The following VAC14 variants were observed in gnomAD, a reference collection of about 807,000 sequenced individuals.
VAC14 encodes the protein protein VAC14 homolog.
VAC14 carries 47 observed loss-of-function variants against 85.3 expected under a neutral mutation model. The ratio of observed to expected loss-of-function variants is 0.55; its 90% confidence interval spans 0.44 to 0.70. The LOEUF is 0.70. Ranked by LOEUF, VAC14 falls within the 30% of genes least tolerant of loss-of-function variation. The probability of loss-of-function intolerance (pLI) is 0.00; values close to 1 mark genes in which losing one functional copy is unlikely to be tolerated. For missense variants in VAC14, 861 were observed against 1,004.3 expected (o/e 0.86, Z 1.93); for synonymous variants, 447 against 430.5 (o/e 1.04, Z -0.47).
intron 12 of VAC14, among the ~76,000 whole-genome samples, chr16:70,761,619 T>C (rs2032392728): frequency 6.6e-6 from 1 of 152,144 alleles, no homozygotes; most frequent in African/African-American, 2.4e-5. Context: ...GGCAGACTCC[T>C]GCCCAGATGA....
chr16:70,781,171 ACCTCTCTTGCTC>A, intron 8 of VAC14, among the ~76,000 whole-genome samples: 2 of 151,670 alleles, frequency 1.3e-5, no homozygotes, highest in Middle Eastern at 3.4e-3. Context: ...AAAGCCTCCC[ACCTCTCTTGCTC>A]CCTCTCTTGC....
At chr16:70,761,864 G>A (rs996088661) in intron 12 of VAC14, among the ~76,000 whole-genome samples, 1 of 152,180 alleles carries the variant, frequency 6.6e-6, no homozygotes, top group African/African-American at 2.4e-5. Flanking sequence ...GCAGGGGCCC[G>A]GCCCAGTGCT....
intron 13 of VAC14, among the ~76,000 whole-genome samples, chr16:70,741,308 G>A (rs2030277893): frequency 6.6e-6 from 1 of 152,268 alleles, no homozygotes; most frequent in Non-Finnish European, 1.5e-5. Flanking sequence ...GGATGAATGT[G>A]CACTTCCTGC....
chr16:70,698,538 C>G, intron 15 of VAC14, 99 bp downstream of exon 15: 1 of 1,467,412 alleles, frequency 6.8e-7, no homozygotes, highest in Non-Finnish European at 9.3e-7. Context: ...CGTCTTCTCC[C>G]TGAGAGCCTC....
rs373984507 is a variant in VAC14, at chr16:70,745,520, CGCGTGT to C, written c.1372-947_1372-942del. ...GTGTGTGTGTGTGTGTGTGTGTGTG[CGCGTGT>C]GCGCGCGTGTGCCTGTGTGCATGCA... On this transcript the variant is annotated intron_variant, in intron 12 of 18. Transcript: ENST00000261776. Among the ~76,000 whole-genome samples, 450 of 93,212 alleles carry C rather than the reference CGCGTGT, an allele frequency of 4.8e-3. 1 individual carries two copies. The highest frequency in any genetic ancestry group is 0.016 in the African/African-American group (383 of 24,322). The allele number at this position is 93,212 out of a possible 152,430, so 61.2% of individuals were successfully genotyped here.
At chr16:70,780,586 C>T (rs1490002806) in intron 9 of VAC14, among the ~76,000 whole-genome samples, 2 of 152,226 alleles carry the variant, frequency 1.3e-5, no homozygotes, top group East Asian at 1.9e-4. Flanking sequence ...GAGTGTGTGG[C>T]CATGGTACTC....
intron 12 of VAC14, among the ~76,000 whole-genome samples, chr16:70,752,035 G>T (rs1286401137): frequency 6.6e-6 from 1 of 152,208 alleles, no homozygotes; most frequent in Non-Finnish European, 1.5e-5. Flanking sequence ...TGAGAAAACT[G>T]CCTTGATAGA....
chr16:70,708,205 C>T lies in VAC14; in HGVS notation c.1662-9394G>A, dbSNP rs1193622762. Among the ~76,000 whole-genome samples the T allele has an allele frequency of 3.9e-5, 6 of 152,368 alleles. No individual in the cohort carries two copies. In the South Asian group the frequency reaches 1.2e-3, roughly 32 times the overall value. On this transcript the variant is annotated intron_variant, in intron 14 of 18. Transcript: ENST00000261776. ...CAGCCCTCCCCTGTCTCCTGCCTCA[C>T]CTGCTGCTAGTTCCCACCAATTTCC...
chr16:70,692,903 T>C lies in VAC14; in HGVS notation c.2104A>G (p.Met702Val), dbSNP rs769800350. 6.2e-7 allele frequency: 1 copy of C among 1,609,882 alleles called. No homozygotes were observed. The highest frequency in any genetic ancestry group is 8.5e-7 in the Non-Finnish European group (1 of 1,178,986). ...AAGGCGCTGCTCTGCGGCAGGAGCA[T>C]GAGCAGGCCGTAGAGGGCCTTGATC... ...YLIKALYGLL[M>V]LLPQSSAFQL... The change falls in exon 18 of 19, where the codon ATG (methionine) becomes GTG (valine). Residue 702 changes from methionine to valine, a missense_variant. This residue lies in a region of VAC14 where 163 missense variants were observed against 162.2 expected (regional missense o/e 1.00). Coordinates refer to ENST00000261776, the MANE Select transcript of VAC14 (RefSeq NM_018052.5).
At chr16:70,785,539 G>C (rs1034023683) in intron 3 of VAC14, among the ~76,000 whole-genome samples, 163 bp downstream of exon 3, 1 of 152,228 alleles carries the variant, frequency 6.6e-6, no homozygotes, top group Non-Finnish European at 1.5e-5. Context: ...ATAAATGCAA[G>C]TCCATTAAAA....
chr16:70,694,289 G>A (rs1353877141), intron 17 of VAC14, among the ~76,000 whole-genome samples: 2 of 152,226 alleles, frequency 1.3e-5, no homozygotes, highest in African/African-American at 4.8e-5. Flanking sequence ...GGACAGACCA[G>A]CAGCAGGAGC....
At chr16:70,710,005 G>A (rs557834147) in intron 14 of VAC14, among the ~76,000 whole-genome samples, 36 of 152,328 alleles carry the variant, frequency 2.4e-4, no homozygotes, top group Non-Finnish European at 3.7e-4. Flanking sequence ...TCCTGAGGAT[G>A]TGCTCAGCTG....
At chr16:70,783,713 G>C (rs1337145524) in intron 5 of VAC14, among the ~76,000 whole-genome samples, 159 bp from the exon 6 acceptor site, 1 of 152,258 alleles carries the variant, frequency 6.6e-6, no homozygotes, top group Non-Finnish European at 1.5e-5. Flanking sequence ...GGCAAGGACA[G>C]TCAGCATTTC....
chr16:70,702,114 C>G (rs1209910264), intron 14 of VAC14, among the ~76,000 whole-genome samples: 1 of 152,256 alleles, frequency 6.6e-6, no homozygotes, highest in Admixed American at 6.5e-5. Flanking sequence ...CCCTCCACCC[C>G]CTCCGCCAGG....
Position 70,801,114 on chromosome 16 carries a change from C to G in VAC14, c.-214G>C. ...CCCTGGCCGCTTAACAACTCCCGCC[C>G]GGCACTAGCGGGACTCACGAGACAG... On this transcript the variant is annotated 5_prime_UTR_variant, in exon 1 of 19. Transcript: ENST00000261776. 1 of 433,540 alleles carries G rather than the reference C, an allele frequency of 2.3e-6. No homozygotes were observed. Among genetic ancestry groups the G allele is most frequent in the Admixed American group, 4.5e-5 (1 of 22,286 alleles). The allele number at this position is 433,540 out of a possible 1,614,324, so 26.9% of individuals were successfully genotyped here.
chr16:70,754,205 T>C (rs75813665), intron 12 of VAC14, among the ~76,000 whole-genome samples: 2,887 of 152,270 alleles, frequency 0.019, 92 homozygotes, highest in African/African-American at 0.064. Flanking sequence ...CCCTGTGCTC[T>C]GGGGTGGCTG....
chr16:70,763,138 C>T (rs777415350), intron 10 of VAC14, 113 bp from the exon 11 acceptor site: 91 of 1,469,004 alleles, frequency 6.2e-5, no homozygotes, highest in Non-Finnish European at 7.9e-5. Context: ...TGCTAACCAC[C>T]GTCTAGGGGG....
At position 70,698,751 on chromosome 16, in the gene VAC14, C is replaced by T. The variant is rs776662950; in HGVS notation, c.1722G>A (p.Leu574=). 6.2e-7 allele frequency: 1 copy of T among 1,614,194 alleles called. No individual in the cohort carries two copies. The highest frequency in any genetic ancestry group is 1.7e-5 in the Admixed American group (1 of 60,028). Residue 574 remains leucine (L), a synonymous_variant, in exon 15 of 19, where the codon CTG becomes CTA. Transcript: ENST00000261776. ...NIFHSMADIL[L]REEDLKFAST... Reference sequence around the variant, plus strand: ...AGGCGAACTTGAGGTCCTCCTCCCGCAGCAGGATGTCTGCCATTGAGTGGA... The same window carrying T: ...AGGCGAACTTGAGGTCCTCCTCCCGTAGCAGGATGTCTGCCATTGAGTGGA...
At chr16:70,785,017 T>TG (rs2033983075) in intron 3 of VAC14, among the ~76,000 whole-genome samples, 179 bp from the exon 4 acceptor site, 2 of 152,222 alleles carry the variant, frequency 1.3e-5, no homozygotes, top group Non-Finnish European at 2.9e-5. Flanking sequence ...GTGGGTACAA[T>TG]GGAGTTGGCT....
Sources: gnomAD v4.1 joint callset for allele counts (sites outside exome capture counted in the v4.1 genomes callset) on GRCh38, gnomAD v4.1.1 for gene constraint, gnomAD v4.1.1 regional missense constraint, MANE v1.5 for transcripts, NCBI Gene and HGNC (gene_info 2026-07-23, HGNC 2026-07-21) for gene names.